Variants in WWOX observed in about 807,000 individuals in gnomAD.
The protein encoded by WWOX is WW domain-containing oxidoreductase.
WWOX carries 69 observed loss-of-function variants against 46.2 expected under a neutral mutation model. That is an observed-to-expected ratio of 1.49 (90% CI 1.23 to 1.82). WWOX has a LOEUF of 1.82. WWOX is among the 40% of genes most tolerant of loss of function. The probability of loss-of-function intolerance (pLI) is 0.00; values close to 1 mark genes in which losing one functional copy is unlikely to be tolerated. For synonymous variants in WWOX, 359 were observed against 202.6 expected, an observed-to-expected ratio of 1.77 and a Z score of -6.56; for missense variants, 919 against 542.6, an observed-to-expected ratio of 1.69 and a Z score of -6.89.
chr16:78,321,292 G>GTA (rs1159843962), intron 5 of WWOX, among the ~76,000 whole-genome samples: 1 of 68,838 alleles, frequency 1.5e-5, no homozygotes. Context: ...ATATATATAC[G>GTA]TATATATATA....
intron 6 of WWOX, among the ~76,000 whole-genome samples, chr16:78,389,454 C>G (rs2082132146): frequency 6.6e-6 from 1 of 152,084 alleles, no homozygotes; most frequent in Admixed American, 6.6e-5. Flanking sequence ...ACTCATCTGT[C>G]TGTGGTTGTT....
intron 4 of WWOX, among the ~76,000 whole-genome samples, chr16:78,152,606 T>G (rs1335545906): frequency 2.0e-5 from 3 of 152,234 alleles, no homozygotes; most frequent in Non-Finnish European, 4.4e-5. Flanking sequence ...TGCATGTGCC[T>G]GTCTAGGACC....
At chr16:78,420,712 A>G (rs573111642) in intron 6 of WWOX, among the ~76,000 whole-genome samples, 1 of 149,302 alleles carries the variant, frequency 6.7e-6, no homozygotes, top group East Asian at 2.0e-4. Flanking sequence ...TTATGGTTGT[A>G]CAATTATTTG....
intron 8 of WWOX, among the ~76,000 whole-genome samples, chr16:78,823,520 G>T (rs895787682): frequency 1.3e-5 from 2 of 152,196 alleles, no homozygotes; most frequent in Non-Finnish European, 2.9e-5. Context: ...TCACCTGTCT[G>T]TGTAATCGCA....
chr16:78,370,211 G>C (rs893360249), intron 5 of WWOX, among the ~76,000 whole-genome samples: 1 of 148,472 alleles, frequency 6.7e-6, no homozygotes, highest in Non-Finnish European at 1.5e-5. Context: ...AGCAAAGATT[G>C]TAAACTCTCT....
chr16:79,129,902 G>A (rs1178551461), intron 8 of WWOX, among the ~76,000 whole-genome samples: 2 of 152,238 alleles, frequency 1.3e-5, no homozygotes, highest in South Asian at 2.1e-4. Context: ...TGTAAGCGTC[G>A]CTGTTCACTG....
intron 8 of WWOX, among the ~76,000 whole-genome samples, chr16:79,119,101 C>G (rs926657691): frequency 6.6e-6 from 1 of 151,830 alleles, no homozygotes; most frequent in Non-Finnish European, 1.5e-5. Context: ...GACATATTGC[C>G]AAATTGCTCT....
intron 8 of WWOX, among the ~76,000 whole-genome samples, chr16:78,904,888 C>T (rs143363865): frequency 8.5e-5 from 13 of 152,278 alleles, no homozygotes; most frequent in African/African-American, 2.9e-4. Context: ...AGCACACACA[C>T]CTTTCTTTTA....
chr16:78,211,523 G>C (rs1233572027), intron 5 of WWOX, among the ~76,000 whole-genome samples: 1 of 152,148 alleles, frequency 6.6e-6, no homozygotes, highest in Non-Finnish European at 1.5e-5. Context: ...GCATCTTGAA[G>C]CCACTTGCAG....
chr16:78,888,629 G>A (rs189422753), intron 8 of WWOX, among the ~76,000 whole-genome samples: 96 of 152,200 alleles, frequency 6.3e-4, no homozygotes, highest in Non-Finnish European at 1.2e-3. Flanking sequence ...CCTGCTGACC[G>A]AGCCAGAACT....
chr16:78,502,409 G>A lies in WWOX; in HGVS notation c.1056+69657G>A, dbSNP rs575722601. ...CTGTTTCTATGGATTTACCTATTCTGCGTACCTCATATAAATAGAGTGATA... is the reference window on the plus strand; with the variant it reads ...CTGTTTCTATGGATTTACCTATTCTACGTACCTCATATAAATAGAGTGATA... On this transcript the variant is annotated intron_variant, in intron 8 of 8. Coordinates refer to ENST00000566780, the MANE Select transcript of WWOX (RefSeq NM_016373.4). Among the ~76,000 whole-genome samples the A allele has an allele frequency of 2.6e-5, 4 of 152,228 alleles. No homozygotes were observed. In the East Asian group the frequency reaches 7.7e-4, roughly 29 times the overall value.
chr16:79,056,532 G>A (rs978276967), intron 8 of WWOX, among the ~76,000 whole-genome samples: 1 of 152,174 alleles, frequency 6.6e-6, no homozygotes, highest in Non-Finnish European at 1.5e-5. Context: ...CTTTGGCACT[G>A]CCAACATGTG....
At chr16:78,369,764 G>C (rs1207918146) in intron 5 of WWOX, among the ~76,000 whole-genome samples, 1 of 152,044 alleles carries the variant, frequency 6.6e-6, no homozygotes, top group African/African-American at 2.4e-5. Context: ...GTTGCTTGTG[G>C]ATACAGTTGT....
intron 8 of WWOX, among the ~76,000 whole-genome samples, chr16:78,788,646 A>G (rs535025199): frequency 1.3e-5 from 2 of 152,294 alleles, no homozygotes; most frequent in East Asian, 1.9e-4. Flanking sequence ...TGTCCTTAGT[A>G]CTGTCCTTTA....
chr16:78,982,528 G>A (rs548447953), intron 8 of WWOX, among the ~76,000 whole-genome samples: 29 of 152,296 alleles, frequency 1.9e-4, no homozygotes, highest in African/African-American at 6.5e-4. Flanking sequence ...GACTTTAACT[G>A]ACAGATTCCC....
At chr16:79,006,626 C>T (rs2047196424) in intron 8 of WWOX, among the ~76,000 whole-genome samples, 1 of 151,960 alleles carries the variant, frequency 6.6e-6, no homozygotes, top group African/African-American at 2.4e-5. Flanking sequence ...AATGTATTAT[C>T]TGACAGTCCC....
intron 8 of WWOX, among the ~76,000 whole-genome samples, chr16:78,801,870 G>C (rs559668581): frequency 6.6e-6 from 1 of 152,124 alleles, no homozygotes; most frequent in Non-Finnish European, 1.5e-5. Flanking sequence ...TGTTGAGTCC[G>C]ATTGTCCTGA....
chr16:78,321,878 T>G (rs1208718057), intron 5 of WWOX, among the ~76,000 whole-genome samples: 1 of 152,078 alleles, frequency 6.6e-6, no homozygotes, highest in Non-Finnish European at 1.5e-5. Context: ...CTGTTGACAT[T>G]TAGTGACATG....
chr16:78,899,332 G>A (rs1230306380), intron 8 of WWOX: 1 of 152,146 alleles, frequency 6.6e-6, no homozygotes, highest in African/African-American at 2.4e-5. Context: ...ATTAGAGGGA[G>A]TTTAGCTCAT....
Sources: allele counts gnomAD v4.1 joint callset (sites outside exome capture counted in the v4.1 genomes callset), GRCh38; gene constraint gnomAD v4.1.1; transcripts MANE v1.5; gene names NCBI Gene and HGNC (gene_info 2026-07-23, HGNC 2026-07-21).